SGSM1: variants seen among roughly 807,000 people sequenced by gnomAD.
SGSM1 encodes the protein RUN and TBC1 domain containing 2.
A neutral mutation model predicts 133.8 loss-of-function variants in SGSM1; 73 were observed. The observed-to-expected ratio is 0.55, with a 90% CI of 0.45 to 0.66. SGSM1 has a LOEUF of 0.66. Ranked by LOEUF, SGSM1 falls within the 30% of genes least tolerant of loss-of-function variation. The pLI, the probability that SGSM1 is intolerant of heterozygous loss-of-function variation, is 0.00. For synonymous variants in SGSM1, 563 were observed against 573.0 expected (o/e 0.98, Z 0.25); for missense variants, 1,213 against 1,448.1 (o/e 0.84, Z 2.64).
At chr22:24,886,163 G>A (rs1932585366) in intron 15 of SGSM1, among the ~76,000 whole-genome samples, 1 of 151,946 alleles carries the variant, frequency 6.6e-6, no homozygotes, top group South Asian at 2.1e-4. Flanking sequence ...AATCACCTGA[G>A]ATCAGAGTCC....
chr22:24,847,946 C>T, intron 4 of SGSM1, 150 bp downstream of exon 4: 3 of 1,084,856 alleles, frequency 2.8e-6, no homozygotes, highest in Non-Finnish European at 3.9e-6. Flanking sequence ...ACCCCAGGGT[C>T]TTTGCACGTG....
chr22:24,915,985 A>G (rs962204247), intron 22 of SGSM1, among the ~76,000 whole-genome samples: 1 of 152,088 alleles, frequency 6.6e-6, no homozygotes. Context: ...TTTTTCAAAC[A>G]TGTTTTTTTC....
intron 9 of SGSM1, among the ~76,000 whole-genome samples, chr22:24,860,910 AAAAAAAAAAAAAATATATAT>A (rs1007721067): frequency 3.1e-5 from 3 of 97,216 alleles, no homozygotes; most frequent in South Asian, 8.2e-4. Flanking sequence ...AAAAAAAAAA[AAAAAAAAAAAAAATATATAT>A]ATATATATAT....
At chr22:24,850,835 C>T (rs1329150654) in intron 5 of SGSM1, among the ~76,000 whole-genome samples, 2 of 152,170 alleles carry the variant, frequency 1.3e-5, no homozygotes, top group Non-Finnish European at 1.5e-5. Context: ...CAATGGCTCA[C>T]GCCTGTAATC....
In SGSM1 at chr22:24,900,340, C is replaced by CTTCTTTCTTTCTTTCTTTCTTTCTTTCT. The variant is rs201367603; in HGVS notation, c.2611-1452_2611-1425dup. ...CAGCTTTTGTTCTTATTGTTAACCT[C>CTTCTTTCTTTCTTTCTTTCTTTCTTTCT]TTCTTTCTTTCTTTCTTTCTTTCTT... On this transcript the variant is annotated intron_variant, in intron 19 of 24. Coordinates refer to ENST00000400358, the MANE Select transcript of SGSM1 (RefSeq NM_001098497.3). 1.3e-3 allele frequency among the ~76,000 whole-genome samples: 167 copies of CTTCTTTCTTTCTTTCTTTCTTTCTTTCT among 126,102 alleles called. 1 individual carries two copies. The highest frequency in any genetic ancestry group is 3.7e-3 in the Middle Eastern group (1 of 268). 82.7% of individuals were successfully genotyped at this position (126,102 alleles called of 152,430 possible).
intron 22 of SGSM1, among the ~76,000 whole-genome samples, chr22:24,915,010 C>T (rs866494568): frequency 1.3e-5 from 2 of 152,072 alleles, no homozygotes; most frequent in Non-Finnish European, 2.9e-5. Context: ...GGGCGGATCA[C>T]GAGGTCAGGA....
intron 12 of SGSM1, among the ~76,000 whole-genome samples, chr22:24,874,257 C>T (rs1005541130): frequency 6.6e-6 from 1 of 152,186 alleles, no homozygotes; most frequent in Non-Finnish European, 1.5e-5. Context: ...TAAAAATCAG[C>T]ATTCTTTCTT....
intron 2 of SGSM1, among the ~76,000 whole-genome samples, chr22:24,807,188 A>G (rs534786675): frequency 2.6e-5 from 4 of 152,178 alleles, no homozygotes; most frequent in South Asian, 2.1e-4. Flanking sequence ...CTCATGGCCA[A>G]TGACCTCCCA....
intron 21 of SGSM1, among the ~76,000 whole-genome samples, chr22:24,909,897 G>A (rs538160029): frequency 6.8e-4 from 104 of 152,240 alleles, no homozygotes; most frequent in Non-Finnish European, 1.3e-3. Flanking sequence ...GTACATATAT[G>A]TTCATAATAG....
intron 9 of SGSM1, among the ~76,000 whole-genome samples, chr22:24,866,517 C>T (rs1931468192): frequency 6.6e-6 from 1 of 152,194 alleles, no homozygotes; most frequent in African/African-American, 2.4e-5. Flanking sequence ...GAATTGAAAA[C>T]TCCAGGGGTA....
chr22:24,886,521 T>C, intron 15 of SGSM1, 79 bp from the exon 16 acceptor site: 13 of 1,502,312 alleles, frequency 8.7e-6, no homozygotes, highest in Admixed American at 2.1e-5. Context: ...CTGGCCAACA[T>C]GGTGAAACCC....
At chr22:24,817,875 C>A (rs1177420493) in intron 2 of SGSM1, among the ~76,000 whole-genome samples, 2 of 152,174 alleles carry the variant, frequency 1.3e-5, no homozygotes, top group Admixed American at 6.5e-5. Flanking sequence ...ACACTGCAGA[C>A]TTTTAATCAT....
Position 24,806,244 on chromosome 22 carries a change from A to AGCAGCGCCGCGGCTGCC in SGSM1, c.-77_-76insGCCGCGGCTGCCGCAGC. On this transcript the variant is annotated 5_prime_UTR_variant, in exon 1 of 25. Coordinates refer to ENST00000400358, the MANE Select transcript of SGSM1 (RefSeq NM_001098497.3). ...CTCGGCCCCGCCCCGCCGCGGCTGC[A>AGCAGCGCCGCGGCTGCC]GCAGCAGCGCCGCGGCCGGAGGAGC... is the stretch of plus-strand genomic sequence containing the variant. The AGCAGCGCCGCGGCTGCC allele has an allele frequency of 7.6e-7, 1 of 1,314,954 alleles. No homozygotes were observed. The highest frequency in any genetic ancestry group is 9.6e-7 in the Non-Finnish European group (1 of 1,037,318). 81.5% of individuals were successfully genotyped at this position (1,314,954 alleles called of 1,614,324 possible).
At chr22:24,875,750 G>A (rs1931997322) in intron 12 of SGSM1, among the ~76,000 whole-genome samples, 1 of 152,146 alleles carries the variant, frequency 6.6e-6, no homozygotes, top group Non-Finnish European at 1.5e-5. Context: ...TAATGCATAT[G>A]TCCCCAGTAT....
chr22:24,839,930 CTCT>C (rs1300728787), intron 2 of SGSM1, among the ~76,000 whole-genome samples: 4 of 79,252 alleles, frequency 5.0e-5, no homozygotes, highest in Non-Finnish European at 7.5e-5. Context: ...CAAACCATCT[CTCT>C]TTTTTTTTTT....
In SGSM1 at chr22:24,901,816, G is replaced by C. The variant is rs1440462550; in HGVS notation, c.2611-17G>C. ...TTTTCATTTCTTCCCCCTACCCCCTGCCCCGATGGCCTATAGCCAGAGCTG... is the reference window on the plus strand; with the variant it reads ...TTTTCATTTCTTCCCCCTACCCCCTCCCCCGATGGCCTATAGCCAGAGCTG... On this transcript the variant is annotated splice_polypyrimidine_tract_variant and intron_variant, in intron 19 of 24. Coordinates refer to ENST00000400358, the MANE Select transcript of SGSM1 (RefSeq NM_001098497.3). The C allele has an allele frequency of 1.9e-6, 3 of 1,611,334 alleles. No individual in the cohort carries two copies. In the African/African-American group the frequency reaches 4.0e-5, roughly 22 times the overall value.
intron 12 of SGSM1, among the ~76,000 whole-genome samples, chr22:24,869,848 C>T (rs79025546): frequency 6.6e-5 from 10 of 152,176 alleles, no homozygotes; most frequent in Admixed American, 6.5e-4. Context: ...AAGCGCATCA[C>T]CATTGCAGGG....
chr22:24,850,514 G>A, intron 5 of SGSM1, 82 bp downstream of exon 5: 1 of 1,544,594 alleles, frequency 6.5e-7, no homozygotes, highest in Non-Finnish European at 8.7e-7. Flanking sequence ...CTGGCACAAA[G>A]CTGCTTTCTT....
chr22:24,816,063 AATT>A (rs969694996), intron 2 of SGSM1, among the ~76,000 whole-genome samples: 2 of 152,170 alleles, frequency 1.3e-5, no homozygotes, highest in Non-Finnish European at 2.9e-5. Context: ...ATTCCTTTTT[AATT>A]ATTATTATTT....
Sources: allele counts gnomAD v4.1 joint callset (sites outside exome capture counted in the v4.1 genomes callset), GRCh38; gene constraint gnomAD v4.1.1; transcripts MANE v1.5; gene names NCBI Gene and HGNC (gene_info 2026-07-23, HGNC 2026-07-21).